ZDHHC14: variants seen among roughly 807,000 people sequenced by gnomAD.
ZDHHC14 encodes the protein palmitoyltransferase ZDHHC14.
A neutral mutation model predicts 47.7 loss-of-function variants in ZDHHC14; 16 were observed. The observed-to-expected ratio is 0.34, with a 90% CI of 0.23 to 0.51. The LOEUF (loss-of-function observed/expected upper bound fraction) is 0.51. Among genes scored for constraint, ZDHHC14 ranks in the 20% least tolerant of loss-of-function variants. The pLI is 0.97. For missense variants in ZDHHC14, 515 were observed against 662.5 expected (o/e 0.78, Z 2.44); for synonymous variants, 293 against 278.9 (o/e 1.05, Z -0.50).
intron 1 of ZDHHC14, among the ~76,000 whole-genome samples, chr6:157,521,543 C>T (rs1780914419): frequency 6.6e-6 from 1 of 152,324 alleles, no homozygotes; most frequent in Admixed American, 6.5e-5. Flanking sequence ...AAGATGGCAC[C>T]TTCTAGCTGT....
intron 2 of ZDHHC14, among the ~76,000 whole-genome samples, chr6:157,579,556 T>C (rs779977359): frequency 2.0e-5 from 3 of 152,214 alleles, no homozygotes; most frequent in Non-Finnish European, 2.9e-5. Flanking sequence ...GTGTCATCAC[T>C]GATTTCTGGC....
At chr6:157,655,017 G>T (rs1778022349) in intron 8 of ZDHHC14, among the ~76,000 whole-genome samples, 2 of 152,196 alleles carry the variant, frequency 1.3e-5, no homozygotes, top group Non-Finnish European at 2.9e-5. Context: ...TGACGGGCGT[G>T]AGCCACTGTG....
At chr6:157,445,153 A>G (rs1778638214) in intron 1 of ZDHHC14, among the ~76,000 whole-genome samples, 1 of 127,562 alleles carries the variant, frequency 7.8e-6, no homozygotes, top group South Asian at 2.4e-4. Context: ...CACTCTTCAT[A>G]TCTATCTATC....
chr6:157,386,273 G>A (rs1157964654), intron 1 of ZDHHC14, among the ~76,000 whole-genome samples: 3 of 152,152 alleles, frequency 2.0e-5, no homozygotes, highest in Admixed American at 6.5e-5. Flanking sequence ...TTGGGAGGCC[G>A]AGGCAGGAGG....
intron 4 of ZDHHC14, chr6:157,631,513 C>T (rs1785737571): frequency 6.6e-6 from 1 of 152,156 alleles, no homozygotes; most frequent in South Asian, 2.1e-4. Context: ...TTCCACGGCT[C>T]CTGTTACCCT....
chr6:157,501,872 T>C (rs960762209), intron 1 of ZDHHC14, among the ~76,000 whole-genome samples: 1 of 152,172 alleles, frequency 6.6e-6, no homozygotes, highest in African/African-American at 2.4e-5. Context: ...GCCTTACTTC[T>C]CCTAAAGAGG....
intron 7 of ZDHHC14, among the ~76,000 whole-genome samples, chr6:157,651,126 G>A (rs1219615908): frequency 1.3e-5 from 2 of 152,222 alleles, no homozygotes; most frequent in South Asian, 2.1e-4. Flanking sequence ...TCCAACAAGT[G>A]CCATGAAATG....
intron 1 of ZDHHC14, among the ~76,000 whole-genome samples, chr6:157,457,539 A>T (rs922915461): frequency 2.0e-5 from 3 of 152,218 alleles, no homozygotes; most frequent in Non-Finnish European, 4.4e-5. Context: ...TGAAGTAAAG[A>T]TGTTACAATA....
At chr6:157,514,623 T>C (rs992905825) in intron 1 of ZDHHC14, among the ~76,000 whole-genome samples, 3 of 152,236 alleles carry the variant, frequency 2.0e-5, no homozygotes, top group African/African-American at 7.2e-5. Flanking sequence ...GCAAATGTCA[T>C]ATAACTGTAA....
chr6:157,519,728 A>G (rs1562459174), intron 1 of ZDHHC14, among the ~76,000 whole-genome samples: 2 of 152,164 alleles, frequency 1.3e-5, no homozygotes. Context: ...TCCTCTGCAA[A>G]ACGAAAGGAT....
intron 4 of ZDHHC14, 77 bp from the exon 5 acceptor site, chr6:157,632,757 T>A: frequency 7.6e-7 from 1 of 1,320,492 alleles, no homozygotes; most frequent in Non-Finnish European, 1.1e-6. Context: ...CCATCTATTA[T>A]TTTTTTGTAG....
chr6:157,394,403 A>G (rs112773925), intron 1 of ZDHHC14, among the ~76,000 whole-genome samples: 1,584 of 152,340 alleles, frequency 0.01, 30 homozygotes, highest in African/African-American at 0.037. Flanking sequence ...GTTAGAAAAC[A>G]TGGCAAGGTT....
At chr6:157,434,933 C>G (rs1239369979) in intron 1 of ZDHHC14, among the ~76,000 whole-genome samples, 1 of 152,238 alleles carries the variant, frequency 6.6e-6, no homozygotes, top group African/African-American at 2.4e-5. Flanking sequence ...CCTTCCTGGA[C>G]TGCCAGCAAA....
At chr6:157,541,719 C>T (rs778524675) in intron 1 of ZDHHC14, among the ~76,000 whole-genome samples, 18 of 152,192 alleles carry the variant, frequency 1.2e-4, no homozygotes, top group African/African-American at 3.4e-4. Flanking sequence ...CAAGGGGCCA[C>T]GGTAAGAACT....
At chr6:157,656,955 A>G (rs117565536) in intron 8 of ZDHHC14, among the ~76,000 whole-genome samples, 15,162 of 152,158 alleles carry the variant, frequency 0.1, 1,026 homozygotes, top group Admixed American at 0.19. Context: ...TCACCTGCCC[A>G]GGGTGACAGT....
intron 1 of ZDHHC14, among the ~76,000 whole-genome samples, chr6:157,439,011 C>CA (rs1354404194): frequency 6.6e-6 from 1 of 152,166 alleles, no homozygotes; most frequent in East Asian, 1.9e-4. Context: ...ATATTGCCAA[C>CA]AAAGAGTTTT....
intron 2 of ZDHHC14, among the ~76,000 whole-genome samples, chr6:157,572,932 G>A (rs927785178): frequency 5.3e-5 from 8 of 151,982 alleles, no homozygotes; most frequent in African/African-American, 1.9e-4. Context: ...GCCCTAAGTA[G>A]TCAGGTTCTC....
chr6:157,402,144 G>C (rs975001022), intron 1 of ZDHHC14, among the ~76,000 whole-genome samples: 1 of 151,144 alleles, frequency 6.6e-6, no homozygotes, highest in Non-Finnish European at 1.5e-5. Flanking sequence ...ATGTGCGCCT[G>C]CTGAGGTCAC....
intron 6 of ZDHHC14, chr6:157,646,183 A>G (rs914892966): frequency 5.1e-6 from 1 of 194,802 alleles, no homozygotes; most frequent in Non-Finnish European, 1.0e-5. Context: ...TGGCGGGCCA[A>G]CATCTTGGAG....
Sources: gnomAD v4.1 joint callset for allele counts (sites outside exome capture counted in the v4.1 genomes callset) on GRCh38, gnomAD v4.1.1 for gene constraint, MANE v1.5 for transcripts, NCBI Gene and HGNC (gene_info 2026-07-23, HGNC 2026-07-21) for gene names.